The following SMYD4 variants were observed in gnomAD, a reference collection of about 807,000 sequenced individuals.
SMYD4 encodes the protein SET and MYND domain containing 4, also known as protein-lysine N-methyltransferase SMYD4.
A neutral mutation model predicts 72.8 loss-of-function variants in SMYD4; 68 were observed. That is an observed-to-expected ratio of 0.93 (90% confidence interval 0.77 to 1.14). The LOEUF (loss-of-function observed/expected upper bound fraction) is 1.14. Among genes scored for constraint, SMYD4 ranks in the 50% most tolerant of loss-of-function variants. The pLI is 0.00. For missense variants in SMYD4, 984 were observed against 1,003.7 expected, an observed-to-expected ratio of 0.98 and a Z score of 0.27; for synonymous variants, 407 against 388.6, an observed-to-expected ratio of 1.05 and a Z score of -0.56.
rs1485341642 is a variant in SMYD4, at chr17:1,795,433, ATCT to A, written c.1537+4421_1537+4423del. ...TATCTATCTATCTATCTATCTATCTATCTATCTATCTAATCATCTATCTATCTA... is the reference window on the plus strand; with the variant it reads ...TATCTATCTATCTATCTATCTATCTAATCTATCTAATCATCTATCTATCTA... On this transcript the variant is annotated intron_variant, in intron 5 of 10. Coordinates refer to ENST00000305513, the MANE Select transcript of SMYD4 (RefSeq NM_052928.3). Among the ~76,000 whole-genome samples, 15 of 140,230 alleles carry A rather than the reference ATCT, an allele frequency of 1.1e-4. No homozygotes were observed. In the East Asian group the frequency reaches 1.8e-3, roughly 17 times the overall value. 92.0% of individuals were successfully genotyped at this position (140,230 alleles called of 152,430 possible).
At chr17:1,825,492 C>T (rs1326909989) in intron 2 of SMYD4, among the ~76,000 whole-genome samples, 1 of 148,912 alleles carries the variant, frequency 6.7e-6, no homozygotes, top group Non-Finnish European at 1.5e-5. Flanking sequence ...TTTATACAGC[C>T]ATATCTGTCA....
chr17:1,786,964 T>C lies in SMYD4; in HGVS notation c.1730A>G (p.Lys577Arg), dbSNP rs1597367577. Residue 577 changes from lysine (K) to arginine (R), a missense_variant, in exon 7 of 11, where the codon AAG becomes AGG. Coordinates refer to ENST00000305513, the MANE Select transcript of SMYD4 (RefSeq NM_052928.3). ...QEILHCYGPH[K>R]SRMGVAERQQ... The stretch of plus-strand genomic sequence containing the variant: ...CCTTTCGGCAACCCCCATCCGGCTC[T>C]TGTGAGGCCCTGGAGGGAGATCACC... 1 of 1,613,626 alleles carries C rather than the reference T, an allele frequency of 6.2e-7. No individual in the cohort carries two copies. Among genetic ancestry groups the C allele is most frequent in the Non-Finnish European group, 8.5e-7 (1 of 1,179,996 alleles).
intron 2 of SMYD4, among the ~76,000 whole-genome samples, 182 bp from the exon 3 acceptor site, chr17:1,812,297 A>C (rs1223275605): frequency 6.6e-6 from 1 of 152,046 alleles, no homozygotes; most frequent in Non-Finnish European, 1.5e-5. Flanking sequence ...CAGGGACCAG[A>C]ATTTTTTGAG....
At position 1,804,585 on chromosome 17, in the gene SMYD4, T is replaced by G. The variant is rs1206111051; in HGVS notation, c.369+41A>C. ...GGTCTAGTCCTCCAGTAAGAAGCCC[T>G]CCGGATCCTGTCCTCTCATACCAGG... On this transcript the variant is annotated intron_variant, in intron 4 of 10. Transcript: ENST00000305513. The G allele has an allele frequency of 1.9e-6, 3 of 1,579,326 alleles. No individual in the cohort carries two copies. The African/African-American group carries it at 4.0e-5, about 21-fold the overall frequency.
intron 3 of SMYD4, among the ~76,000 whole-genome samples, chr17:1,806,377 C>T (rs1302701282): frequency 1.3e-5 from 2 of 151,972 alleles, no homozygotes; most frequent in African/African-American, 2.4e-5. Flanking sequence ...AAGCAGAAGG[C>T]GAACACTGAA....
chr17:1,798,188 C>T (rs1269016219), intron 5 of SMYD4, among the ~76,000 whole-genome samples: 3 of 149,254 alleles, frequency 2.0e-5, no homozygotes, highest in African/African-American at 4.9e-5. Context: ...TGGAGTGCAT[C>T]GGTGCGATCA....
In SMYD4 at chr17:1,829,779, G is replaced by A. The variant is rs1911432086; in HGVS notation, c.-66C>T. 4.5e-6 allele frequency: 1 copy of A among 223,132 alleles called. No individual in the cohort carries two copies. Among genetic ancestry groups the A allele is most frequent in the Non-Finnish European group, 8.7e-6 (1 of 115,286 alleles). 13.8% of individuals were successfully genotyped at this position (223,132 alleles called of 1,614,324 possible). A position where few individuals can be genotyped will look rare whatever the true frequency, so the allele number is the denominator to read the frequency against. ...AACGCCTCGAGAACCGCTCAGACGC[G>A]CCCGGAACTGCGCCCTGGTCTCCCT... On this transcript the variant is annotated 5_prime_UTR_variant, in exon 1 of 11. Transcript: ENST00000305513.
intron 6 of SMYD4, 60 bp downstream of exon 6, chr17:1,787,362 T>C: frequency 6.5e-7 from 1 of 1,545,240 alleles, no homozygotes; most frequent in Non-Finnish European, 8.7e-7. Flanking sequence ...CTTGCTGACT[T>C]GCGTCCCCGT....
At chr17:1,817,107 C>T (rs1178496932) in intron 2 of SMYD4, among the ~76,000 whole-genome samples, 13 of 148,700 alleles carry the variant, frequency 8.7e-5, no homozygotes, top group Non-Finnish European at 1.5e-5. Context: ...TTCAGTTTCT[C>T]GGCCACTGCA....
intron 2 of SMYD4, among the ~76,000 whole-genome samples, chr17:1,818,964 A>G (rs1567787489): frequency 1.3e-5 from 2 of 151,846 alleles, no homozygotes; most frequent in Non-Finnish European, 2.9e-5. Context: ...AATTTTTTTA[A>G]TGAGTAATTT....
intron 2 of SMYD4, among the ~76,000 whole-genome samples, chr17:1,817,747 T>C (rs1190265879): frequency 6.6e-6 from 1 of 152,156 alleles, no homozygotes; most frequent in Non-Finnish European, 1.5e-5. Flanking sequence ...TTTTCCCCTA[T>C]GTTTTCTTTT....
At chr17:1,827,295 C>T (rs976863475) in intron 2 of SMYD4, among the ~76,000 whole-genome samples, 8 of 149,614 alleles carry the variant, frequency 5.3e-5, no homozygotes, top group Admixed American at 2.0e-4. Flanking sequence ...GCTGAGATTG[C>T]GCCACTGCAC....
At chr17:1,827,765 T>C in intron 2 of SMYD4, 96 bp downstream of exon 2, 1 of 1,444,028 alleles carries the variant, frequency 6.9e-7, no homozygotes, top group East Asian at 2.4e-5. Context: ...CAAGACTCAA[T>C]CTTTATTTAA....
rs188417089 is a variant in SMYD4, at chr17:1,801,461, C to T, written c.370-437G>A. ...TTTGCCATGTTAGCCAGGATGGTTT[C>T]GATCTCCTGACCTCATGATACGCCC... On this transcript the variant is annotated intron_variant, in intron 4 of 10. Transcript: ENST00000305513. Among the ~76,000 whole-genome samples the T allele has an allele frequency of 8.0e-3, 1,207 of 151,142 alleles. 13 individuals carry two copies. The highest frequency in any genetic ancestry group is 0.016 in the South Asian group (78 of 4,756).
At chr17:1,792,331 G>A (rs1875870143) in intron 5 of SMYD4, among the ~76,000 whole-genome samples, 1 of 151,500 alleles carries the variant, frequency 6.6e-6, no homozygotes, top group Admixed American at 6.6e-5. Context: ...GAGCCACCAC[G>A]CCTGGCCTAA....
intron 5 of SMYD4, among the ~76,000 whole-genome samples, chr17:1,795,747 G>GTTTTT (rs368038317): frequency 0.022 from 2,762 of 128,426 alleles, 125 homozygotes; most frequent in African/African-American, 0.082. Context: ...TGGCCCGTGA[G>GTTTTT]TTTTTTTTTT....
At chr17:1,825,001 C>CT (rs927196597) in intron 2 of SMYD4, among the ~76,000 whole-genome samples, 4 of 152,040 alleles carry the variant, frequency 2.6e-5, no homozygotes, top group African/African-American at 7.2e-5. Context: ...AGGGCTGTGC[C>CT]TTTTTTTCCT....
At position 1,800,588 on chromosome 17, in the gene SMYD4, A is replaced by G. The variant is rs891547424; in HGVS notation, c.806T>C (p.Leu269Pro). Residue 269 changes from leucine to proline, a missense_variant, in exon 5 of 11, where the codon CTC becomes CCC. Leu to Pro is a moderately conservative substitution (Grantham distance 98). Coordinates refer to ENST00000305513, the MANE Select transcript of SMYD4 (RefSeq NM_052928.3). ...LVQEDAFVSV[L>P]NPGELPPPHH... The stretch of plus-strand genomic sequence containing the variant: ...CGGTGGTGGCAGTTCTCCTGGGTTG[A>G]GAACACTCACAAAAGCATCCTCCTG... The G allele has an allele frequency of 6.2e-7, 1 of 1,614,076 alleles. No individual in the cohort carries two copies. The highest frequency in any genetic ancestry group is 1.6e-4 in the Middle Eastern group (1 of 6,062).
At chr17:1,804,518 C>G (rs1400838682) in intron 4 of SMYD4, 108 bp downstream of exon 4, 4 of 976,392 alleles carry the variant, frequency 4.1e-6, no homozygotes, top group Non-Finnish European at 6.4e-6. Flanking sequence ...CCAATAGCAG[C>G]ATGACATGAT....
Sources: gnomAD v4.1 joint callset for allele counts (sites outside exome capture counted in the v4.1 genomes callset) on GRCh38, gnomAD v4.1.1 for gene constraint, MANE v1.5 for transcripts, NCBI Gene and HGNC (gene_info 2026-07-23, HGNC 2026-07-21) for gene names.